The following TOX2 variants were observed in gnomAD, a reference collection of about 807,000 sequenced individuals.
The protein encoded by TOX2 is granulosa cell HMG box 1.
Under a neutral mutation model 47.4 loss-of-function variants are expected in TOX2, and 15 were observed. The ratio of observed to expected loss-of-function variants is 0.32; its 90% CI spans 0.21 to 0.49. TOX2 has a LOEUF of 0.49. Among genes scored for constraint, TOX2 ranks in the 20% least tolerant of loss-of-function variants. The pLI is 0.99. For missense variants in TOX2, 622 were observed against 673.1 expected, an observed-to-expected ratio of 0.92 and a Z score of 0.84; for synonymous variants, 290 against 296.6, an observed-to-expected ratio of 0.98 and a Z score of 0.23.
chr20:44,015,792 AC>A (rs1217209202), intron 3 of TOX2, among the ~76,000 whole-genome samples: 1 of 151,342 alleles, frequency 6.6e-6, no homozygotes, highest in Non-Finnish European at 1.5e-5. Flanking sequence ...TCTTTCGTAA[AC>A]CCCCCATCCC....
chr20:43,929,453 A>T (rs1200912216), intron 1 of TOX2, among the ~76,000 whole-genome samples: 1 of 151,646 alleles, frequency 6.6e-6, no homozygotes, highest in East Asian at 1.9e-4. Flanking sequence ...CCCCTCAGTG[A>T]CTCCATTCCA....
intron 5 of TOX2, among the ~76,000 whole-genome samples, chr20:44,063,747 C>T (rs2071761077): frequency 1.3e-5 from 2 of 149,340 alleles, no homozygotes; most frequent in Non-Finnish European, 3.0e-5. Context: ...TATATATACA[C>T]ACATATATAT....
At chr20:43,951,707 G>GTTGTTTT (rs2069571130) in intron 1 of TOX2, among the ~76,000 whole-genome samples, 1 of 55,098 alleles carries the variant, frequency 1.8e-5, no homozygotes, top group Non-Finnish European at 3.9e-5. Context: ...AACTTATTAT[G>GTTGTTTT]TTTTTTTTTT....
intron 3 of TOX2, among the ~76,000 whole-genome samples, chr20:44,045,879 A>T (rs1423458105): frequency 6.6e-6 from 1 of 152,226 alleles, no homozygotes; most frequent in African/African-American, 2.4e-5. Flanking sequence ...AAGCCCTAAT[A>T]CAGAGTTCTA....
intron 5 of TOX2, among the ~76,000 whole-genome samples, chr20:44,058,685 A>G (rs1356145547): frequency 6.6e-6 from 1 of 152,190 alleles, no homozygotes. Flanking sequence ...GTTGATATCC[A>G]TGGAGGAGAG....
chr20:44,065,676 T>C, intron 6 of TOX2, 36 bp from the exon 7 acceptor site: 1 of 1,544,430 alleles, frequency 6.5e-7, no homozygotes, highest in Non-Finnish European at 8.8e-7. Context: ...TCATCCCTCT[T>C]CTGTTCTCCA....
At position 44,065,824 on chromosome 20, in the gene TOX2, C is replaced by T. The variant is rs374248829; in HGVS notation, c.1073C>T (p.Pro358Leu). The T allele has an allele frequency of 4.2e-5, 67 of 1,613,950 alleles. 2 individuals carry two copies. The Admixed American group carries it at 6.8e-4, about 16-fold the overall frequency. Residue 358 changes from proline (P) to leucine (L), a missense_variant, in exon 7 of 9, where the codon CCG (proline) becomes CTG (leucine). Transcript: ENST00000341197. ...CCAGGCCTGGCCTCCTTCCTGACGC[C>T]GTCGGACCTGCAGGCCTTCCGCAGT... ...AMPGLASFLTPSDLQAFRSGA... is the reference protein window; with the variant it reads ...AMPGLASFLTLSDLQAFRSGA...
At chr20:44,048,400 A>ATATATC (rs2071451131) in intron 3 of TOX2, among the ~76,000 whole-genome samples, 1 of 130,872 alleles carries the variant, frequency 7.6e-6, no homozygotes, top group African/African-American at 2.9e-5. Context: ...ATATATATAT[A>ATATATC]TATATATATA....
At chr20:43,958,621 C>A (rs567107476) in intron 1 of TOX2, among the ~76,000 whole-genome samples, 1 of 152,366 alleles carries the variant, frequency 6.6e-6, no homozygotes, top group East Asian at 1.9e-4. Flanking sequence ...TGCCCCTCTG[C>A]ACCTGGCATA....
chr20:44,060,905 G>A, intron 5 of TOX2, among the ~76,000 whole-genome samples: 1 of 152,042 alleles, frequency 6.6e-6, no homozygotes, highest in Non-Finnish European at 1.5e-5. Context: ...AAATGACCAA[G>A]ATCAGAGCAG....
At chr20:44,010,636 C>G (rs2070763558) in intron 3 of TOX2, among the ~76,000 whole-genome samples, 1 of 152,212 alleles carries the variant, frequency 6.6e-6, no homozygotes, top group Non-Finnish European at 1.5e-5. Flanking sequence ...CGTGGGCATA[C>G]ACGCTACGTG....
intron 2 of TOX2, among the ~76,000 whole-genome samples, chr20:43,982,794 G>A (rs1168305635): frequency 2.6e-5 from 4 of 151,396 alleles, no homozygotes; most frequent in Non-Finnish European, 5.9e-5. Flanking sequence ...GGATTTATAG[G>A]GACAATCAGC....
At chr20:44,064,591 G>A (rs1049443698) in intron 5 of TOX2, among the ~76,000 whole-genome samples, 186 bp from the exon 6 acceptor site, 4 of 152,180 alleles carry the variant, frequency 2.6e-5, no homozygotes, top group African/African-American at 7.2e-5. Flanking sequence ...CTGGGATATG[G>A]CCTGGTCTCC....
intron 3 of TOX2, among the ~76,000 whole-genome samples, chr20:44,024,301 T>C (rs967074260): frequency 1.2e-4 from 18 of 152,310 alleles, no homozygotes; most frequent in Admixed American, 9.8e-4. Flanking sequence ...CCAGGGTTTA[T>C]CCATCTTATT....
intron 3 of TOX2, among the ~76,000 whole-genome samples, chr20:44,021,897 A>G (rs996014537): frequency 6.6e-6 from 1 of 151,816 alleles, no homozygotes; most frequent in Non-Finnish European, 1.5e-5. Context: ...TGGCCTCCCA[A>G]AGTGTTGGGA....
chr20:43,963,187 C>T (rs967451713), intron 1 of TOX2, among the ~76,000 whole-genome samples: 1 of 152,098 alleles, frequency 6.6e-6, no homozygotes, highest in Non-Finnish European at 1.5e-5. Context: ...ATGATTCCCA[C>T]CTCCCAGAGG....
intron 2 of TOX2, among the ~76,000 whole-genome samples, chr20:43,987,792 C>T: frequency 6.6e-6 from 1 of 152,032 alleles, no homozygotes; most frequent in Non-Finnish European, 1.5e-5. Context: ...CTGGCTGTGG[C>T]TTGCCCCAGG....
At chr20:44,013,990 C>T (rs968498806) in intron 3 of TOX2, among the ~76,000 whole-genome samples, 8 of 152,008 alleles carry the variant, frequency 5.3e-5, no homozygotes, top group South Asian at 4.2e-4. Flanking sequence ...ATTAGCTGGG[C>T]ATAGTGGCTT....
chr20:43,951,907 GTTTT>G (rs869178069), intron 1 of TOX2, among the ~76,000 whole-genome samples: 1 of 117,066 alleles, frequency 8.5e-6, no homozygotes, highest in Non-Finnish European at 1.8e-5. Context: ...TTGTTTGTTT[GTTTT>G]TTTGAGGCCG....
Sources: allele counts gnomAD v4.1 joint callset (sites outside exome capture counted in the v4.1 genomes callset), GRCh38; gene constraint gnomAD v4.1.1; transcripts MANE v1.5; gene names NCBI Gene and HGNC (gene_info 2026-07-23, HGNC 2026-07-21).